The following GNB1 variants were observed in gnomAD, a reference collection of about 807,000 sequenced individuals.
The protein encoded by GNB1 is G protein subunit beta 1.
A neutral mutation model predicts 42.9 loss-of-function variants in GNB1; 2 were observed. The ratio of observed to expected loss-of-function variants is 0.05; its 90% CI spans 0.02 to 0.15. The LOEUF (loss-of-function observed/expected upper bound fraction) is 0.15, where lower values mean the gene tolerates loss of function less well. Among genes scored for constraint, GNB1 ranks in the 10% least tolerant of loss-of-function variants. The probability of loss-of-function intolerance (pLI) is 1.00; values close to 1 mark genes in which losing one functional copy is unlikely to be tolerated. For missense variants in GNB1, 193 were observed against 462.2 expected (o/e 0.42, Z 5.34); for synonymous variants, 183 against 174.7 (o/e 1.05, Z -0.38).
At chr1:1,833,945 G>A (rs532073159) in intron 2 of GNB1, among the ~76,000 whole-genome samples, 1 of 152,206 alleles carries the variant, frequency 6.6e-6, no homozygotes, top group Admixed American at 6.5e-5. Context: ...CCCCACAGAG[G>A]CAACGGTACT....
At chr1:1,830,747 A>C (rs188339208) in intron 2 of GNB1, among the ~76,000 whole-genome samples, 1 of 151,916 alleles carries the variant, frequency 6.6e-6, no homozygotes, top group Non-Finnish European at 1.5e-5. Context: ...AGGCCTTGCT[A>C]TGTTGCCCGG....
At chr1:1,833,344 G>C (rs1324453708) in intron 2 of GNB1, among the ~76,000 whole-genome samples, 1 of 152,110 alleles carries the variant, frequency 6.6e-6, no homozygotes, top group Non-Finnish European at 1.5e-5. Context: ...CCCAAGTCCA[G>C]GTCAATCTCC....
chr1:1,797,028 A>G (rs1011973919), intron 7 of GNB1, among the ~76,000 whole-genome samples: 3 of 152,164 alleles, frequency 2.0e-5, no homozygotes, highest in African/African-American at 7.2e-5. Flanking sequence ...CTCTGGGAAG[A>G]GCACAGCATG....
intron 7 of GNB1, among the ~76,000 whole-genome samples, chr1:1,802,036 A>G (rs1570636499): frequency 6.6e-6 from 1 of 152,356 alleles, no homozygotes; most frequent in Middle Eastern, 3.4e-3. Flanking sequence ...CAACAAATGT[A>G]AAGGCATCTA....
chr1:1,808,640 GTTTT>G (rs869170980), intron 5 of GNB1, among the ~76,000 whole-genome samples: 4 of 140,258 alleles, frequency 2.9e-5, no homozygotes, highest in African/African-American at 8.1e-5. Flanking sequence ...TTGTTTGTTT[GTTTT>G]TGTTTGTTTG....
At chr1:1,872,661 C>G (rs1649310263) in intron 1 of GNB1, among the ~76,000 whole-genome samples, 1 of 152,132 alleles carries the variant, frequency 6.6e-6, no homozygotes, top group African/African-American at 2.4e-5. Context: ...CTGGTTCCTT[C>G]TCATCCTTCA....
intron 2 of GNB1, among the ~76,000 whole-genome samples, chr1:1,832,751 C>A (rs1466386178): frequency 2.0e-5 from 3 of 152,184 alleles, no homozygotes; most frequent in African/African-American, 7.2e-5. Context: ...TAACAACATT[C>A]AGGCTGCAAG....
chr1:1,886,641 A>G (rs1650173241), intron 1 of GNB1, among the ~76,000 whole-genome samples: 1 of 152,218 alleles, frequency 6.6e-6, no homozygotes, highest in African/African-American at 2.4e-5. Flanking sequence ...TGCCTACTTC[A>G]TAATCTCTCC....
chr1:1,846,623 T>G lies in GNB1; in HGVS notation c.-95-7385A>C, dbSNP rs189716450. On this transcript the variant is annotated intron_variant, in intron 1 of 11. Coordinates refer to ENST00000378609, the MANE Select transcript of GNB1 (RefSeq NM_002074.5). ...CTGTCACCCAAGTGGGTGACAGCCTTGAACAGCTCACTGAAACCTTGAACT... is the reference window on the plus strand; with the variant it reads ...CTGTCACCCAAGTGGGTGACAGCCTGGAACAGCTCACTGAAACCTTGAACT... 7.2e-5 allele frequency among the ~76,000 whole-genome samples: 11 copies of G among 152,246 alleles called. No homozygotes were observed. The East Asian group carries it at 1.9e-3, about 27-fold the overall frequency.
At chr1:1,792,274 A>G (rs1224167843) in intron 8 of GNB1, among the ~76,000 whole-genome samples, 1 of 152,180 alleles carries the variant, frequency 6.6e-6, no homozygotes, top group Non-Finnish European at 1.5e-5. Context: ...CATTGTTCAC[A>G]ATGACATGAT....
chr1:1,832,705 C>T (rs776875920), intron 2 of GNB1, among the ~76,000 whole-genome samples: 6 of 152,184 alleles, frequency 3.9e-5, no homozygotes, highest in Non-Finnish European at 5.9e-5. Context: ...GGCACCTCAG[C>T]GGTGCCCTCA....
chr1:1,839,487 T>C (rs1305977583), intron 1 of GNB1: 1 of 152,106 alleles, frequency 6.6e-6, no homozygotes, highest in Non-Finnish European at 1.5e-5. Context: ...ATACCTTGAA[T>C]TAAACTGAAA....
At chr1:1,804,367 A>G (rs1333228053) in intron 7 of GNB1, 52 bp downstream of exon 7, 1 of 1,226,438 alleles carries the variant, frequency 8.2e-7, no homozygotes, top group Non-Finnish European at 1.2e-6. Context: ...CATATAATGT[A>G]CCCCAGGTAA....
chr1:1,848,270 T>C (rs901330715), intron 1 of GNB1, among the ~76,000 whole-genome samples: 11 of 150,014 alleles, frequency 7.3e-5, no homozygotes, highest in Admixed American at 3.3e-4. Context: ...TCCCAGCTAC[T>C]TGGGAGGCTG....
intron 5 of GNB1, among the ~76,000 whole-genome samples, chr1:1,814,797 C>CAAAAAAAAAAAAAAA (rs66588627): frequency 2.6e-5 from 2 of 77,610 alleles, no homozygotes; most frequent in East Asian, 3.4e-4. Context: ...GACCCTGTCT[C>CAAAAAAAAAAAAAAA]AAAAAAAAAA....
intron 7 of GNB1, among the ~76,000 whole-genome samples, chr1:1,794,792 C>T (rs369979496): frequency 5.9e-5 from 9 of 152,230 alleles, no homozygotes; most frequent in East Asian, 5.8e-4. Context: ...CCAGGTCAAG[C>T]GATTCTCCTG....
intron 5 of GNB1, among the ~76,000 whole-genome samples, chr1:1,809,431 G>A (rs142095083): frequency 6.4e-4 from 98 of 152,270 alleles, no homozygotes; most frequent in Non-Finnish European, 1.1e-3. Context: ...GATTACAGGC[G>A]TAAGCCACCG....
intron 1 of GNB1, among the ~76,000 whole-genome samples, chr1:1,856,330 C>T (rs1648297351): frequency 6.6e-6 from 1 of 152,170 alleles, no homozygotes; most frequent in Non-Finnish European, 1.5e-5. Flanking sequence ...CGCTATGTTG[C>T]CCAGGCAGAT....
At chr1:1,791,471 G>A (rs866802294) in intron 8 of GNB1, among the ~76,000 whole-genome samples, 6 of 152,152 alleles carry the variant, frequency 3.9e-5, no homozygotes, top group Non-Finnish European at 7.3e-5. Flanking sequence ...CACCGCGCCC[G>A]GCCATACCTG....
Sources: gnomAD v4.1 joint callset for allele counts (sites outside exome capture counted in the v4.1 genomes callset) on GRCh38, gnomAD v4.1.1 for gene constraint, MANE v1.5 for transcripts, NCBI Gene and HGNC (gene_info 2026-07-23, HGNC 2026-07-21) for gene names.